LZTS1: variants seen among roughly 807,000 people sequenced by gnomAD.
LZTS1 encodes leucine zipper putative tumor suppressor 1.
A neutral mutation model predicts 45.8 loss-of-function variants in LZTS1; 31 were observed. The ratio of observed to expected loss-of-function variants is 0.68; its 90% CI spans 0.51 to 0.91. LZTS1 has a LOEUF of 0.91. Among genes scored for constraint, LZTS1 ranks in the 40% least tolerant of loss-of-function variants. The pLI is 0.00. For synonymous variants in LZTS1, 359 were observed against 357.3 expected (o/e 1.00, Z -0.05); for missense variants, 821 against 788.9 (o/e 1.04, Z -0.49).
At chr8:20,251,545 C>T (rs557864491) in intron 3 of LZTS1, among the ~76,000 whole-genome samples, 1 of 152,278 alleles carries the variant, frequency 6.6e-6, no homozygotes, top group South Asian at 2.1e-4. Context: ...CCTTGGTCTC[C>T]CATGACCCCA....
chr8:20,268,771 G>C (rs1198717260), intron 1 of LZTS1, among the ~76,000 whole-genome samples: 1 of 152,148 alleles, frequency 6.6e-6, no homozygotes, highest in Non-Finnish European at 1.5e-5. Context: ...GGGAGAGGCT[G>C]CTGGTGGGTT....
intron 1 of LZTS1, among the ~76,000 whole-genome samples, chr8:20,302,180 G>A (rs902571616): frequency 2.0e-5 from 3 of 152,106 alleles, no homozygotes; most frequent in African/African-American, 7.2e-5. Flanking sequence ...TGGTAGTTAT[G>A]TTGTGAGGAT....
intron 1 of LZTS1, among the ~76,000 whole-genome samples, chr8:20,287,445 G>A (rs372715751): frequency 1.3e-5 from 2 of 152,288 alleles, no homozygotes; most frequent in South Asian, 2.1e-4. Flanking sequence ...TGCCCACCTC[G>A]TTCTTTCGCT....
chr8:20,264,120 T>A (rs1800301364), intron 1 of LZTS1, among the ~76,000 whole-genome samples: 1 of 152,216 alleles, frequency 6.6e-6, no homozygotes, highest in South Asian at 2.1e-4. Context: ...GAATGCTATA[T>A]GTTTTTTACT....
intron 2 of LZTS1, 67 bp downstream of exon 2, chr8:20,254,770 C>T (rs1488081652): frequency 7.4e-7 from 1 of 1,342,392 alleles, no homozygotes; most frequent in Non-Finnish European, 1.0e-6. Context: ...CCCCCAGGCT[C>T]TCCACCCCCA....
At chr8:20,267,221 TG>T (rs1329141203) in intron 1 of LZTS1, among the ~76,000 whole-genome samples, 1 of 135,232 alleles carries the variant, frequency 7.4e-6, no homozygotes, top group Non-Finnish European at 1.6e-5. Context: ...CCCTGGTTTC[TG>T]GCATCGTCCT....
chr8:20,265,339 C>T lies in LZTS1; in HGVS notation c.-134-10024G>A, dbSNP rs551333671. Among the ~76,000 whole-genome samples, 34 of 152,168 alleles carry T rather than the reference C, an allele frequency of 2.2e-4. No individual in the cohort carries two copies. In the South Asian group the frequency reaches 6.8e-3, roughly 31 times the overall value. On this transcript the variant is annotated intron_variant, in intron 1 of 3. Coordinates refer to ENST00000381569, the MANE Select transcript of LZTS1 (RefSeq NM_021020.5). The stretch of plus-strand genomic sequence containing the variant: ...GGCATGGCAGGCATCGTGTTGACTG[C>T]AGAGAAAAAGAGGAGCAAGGCCTCT...
At chr8:20,274,385 C>T (rs1460683405) in intron 1 of LZTS1, among the ~76,000 whole-genome samples, 1 of 152,146 alleles carries the variant, frequency 6.6e-6, no homozygotes, top group Non-Finnish European at 1.5e-5. Flanking sequence ...AACTTTTCAT[C>T]CCTTCTCCTC....
At chr8:20,271,889 T>C (rs946083464) in intron 1 of LZTS1, among the ~76,000 whole-genome samples, 33 of 152,208 alleles carry the variant, frequency 2.2e-4, no homozygotes, top group Non-Finnish European at 3.4e-4. Flanking sequence ...GGCCGGGGCC[T>C]GGCTTGATGT....
chr8:20,253,325 G>A lies in LZTS1; in HGVS notation c.606C>T (p.Pro202=), dbSNP rs747433842. The A allele has an allele frequency of 1.2e-6, 2 of 1,613,814 alleles. No homozygotes were observed. The highest frequency in any genetic ancestry group is 2.2e-5 in the South Asian group (2 of 91,086). ...QLDPLVTPVG[P]TSRFGGSAHN... ...GGGCGGAGCCCCCAAAACGGCTTGTGGGTCCCACGGGTGTGACCAGCGGGT... is the reference window on the plus strand; with the variant it reads ...GGGCGGAGCCCCCAAAACGGCTTGTAGGTCCCACGGGTGTGACCAGCGGGT... The change falls in exon 3 of 4, where the codon CCC becomes CCT. Residue 202 remains proline (P), a synonymous_variant. Coordinates refer to ENST00000381569, the MANE Select transcript of LZTS1 (RefSeq NM_021020.5).
intron 1 of LZTS1, among the ~76,000 whole-genome samples, chr8:20,266,166 G>A (rs558702980): frequency 6.6e-6 from 1 of 152,070 alleles, no homozygotes; most frequent in East Asian, 1.9e-4. Context: ...GGGACTACAG[G>A]TATATGCCAC....
chr8:20,270,596 CCAGGAGGG>C (rs1800452138), intron 1 of LZTS1, among the ~76,000 whole-genome samples: 1 of 152,028 alleles, frequency 6.6e-6, no homozygotes, highest in East Asian at 1.9e-4. Context: ...TCTGCCATAC[CCAGGAGGG>C]CTTTGGTTTG....
chr8:20,281,234 G>C (rs1800685880), intron 1 of LZTS1, among the ~76,000 whole-genome samples: 1 of 152,044 alleles, frequency 6.6e-6, no homozygotes, highest in East Asian at 1.9e-4. Context: ...CCTGGTGGGA[G>C]GTGTTTAGGT....
chr8:20,252,983 C>G lies in LZTS1; in HGVS notation c.948G>C (p.Lys316Asn). The change falls in exon 3 of 4, where the codon AAG (lysine) becomes AAC (asparagine). Residue 316 changes from lysine to asparagine, a missense_variant. Physicochemically the swap from Lys to Asn is moderately conservative, Grantham distance 94 (BLOSUM62 0). Transcript: ENST00000381569. The part of the protein sequence containing the change: ...LEGPEPKGGN[K>N]LKQASQKSQR... ...GGCTCTTCTGCGAGGCCTGCTTGAG[C>G]TTGTTGCCGCCTTTGGGCTCCGGGC... is the stretch of plus-strand genomic sequence containing the variant. 6.3e-7 allele frequency: 1 copy of G among 1,587,612 alleles called. No homozygotes were observed. The highest frequency in any genetic ancestry group is 8.6e-7 in the Non-Finnish European group (1 of 1,166,986).
At chr8:20,293,761 C>T (rs1243384657) in intron 1 of LZTS1, among the ~76,000 whole-genome samples, 2 of 152,018 alleles carry the variant, frequency 1.3e-5, no homozygotes, top group Non-Finnish European at 2.9e-5. Flanking sequence ...AGCAAAACCT[C>T]ATCTCTACAA....
intron 1 of LZTS1, among the ~76,000 whole-genome samples, chr8:20,280,756 A>G (rs149247217): frequency 1.4e-3 from 212 of 152,218 alleles, no homozygotes; most frequent in African/African-American, 4.9e-3. Flanking sequence ...CTCCGGACAG[A>G]CCCAGCTCTC....
chr8:20,293,161 C>T (rs1333656072), intron 1 of LZTS1, among the ~76,000 whole-genome samples: 1 of 152,082 alleles, frequency 6.6e-6, no homozygotes, highest in Non-Finnish European at 1.5e-5. Context: ...GTCTCTCCAC[C>T]CTTGAATCTA....
At chr8:20,297,405 G>GTGTT (rs111674993) in intron 1 of LZTS1, among the ~76,000 whole-genome samples, 8,384 of 151,918 alleles carry the variant, frequency 0.055, 727 homozygotes, top group African/African-American at 0.18. Flanking sequence ...CTACTTTATT[G>GTGTT]TGTTTGTTTG....
intron 1 of LZTS1, among the ~76,000 whole-genome samples, chr8:20,291,380 A>C (rs1800898974): frequency 6.6e-6 from 1 of 152,204 alleles, no homozygotes; most frequent in Non-Finnish European, 1.5e-5. Context: ...ACTCAGTCTC[A>C]TGCCTGGTTT....
Sources: gnomAD v4.1 joint callset for allele counts (sites outside exome capture counted in the v4.1 genomes callset) on GRCh38, gnomAD v4.1.1 for gene constraint, MANE v1.5 for transcripts, NCBI Gene and HGNC (gene_info 2026-07-23, HGNC 2026-07-21) for gene names.